The following EXOG variants were observed in gnomAD, a reference collection of about 807,000 sequenced individuals.
EXOG encodes the protein nuclease EXOG, mitochondrial.
In EXOG, 27 loss-of-function variants were observed where a neutral mutation model predicts 25.8. The observed-to-expected ratio is 1.05, with a 90% CI of 0.77 to 1.45. The LOEUF (loss-of-function observed/expected upper bound fraction) is 1.45. Ranked by LOEUF, EXOG falls within the 40% of genes most tolerant of loss-of-function variation. The probability of loss-of-function intolerance (pLI) is 0.00; values close to 1 mark genes in which losing one functional copy is unlikely to be tolerated. For synonymous variants in EXOG, 133 were observed against 167.0 expected (o/e 0.80, Z 1.57); for missense variants, 458 against 450.5 (o/e 1.02, Z -0.15).
rs746931625 is a variant in EXOG at position 38,524,210 on chromosome 3, G to A, written c.955G>A (p.Ala319Thr). 1.2e-6 allele frequency: 2 copies of A among 1,614,154 alleles called. No homozygotes were observed. Among genetic ancestry groups the A allele is most frequent in the Non-Finnish European group, 1.7e-6 (2 of 1,180,002 alleles). ...CTTGAGTACAAGAAAGATTGAAGGA[G>A]CCCGATCAGTGCTCAGACTGGAAAA... ...LYLSTRKIEG[A>T]RSVLRLEKIM... Residue 319 changes from alanine (A) to threonine (T), a missense_variant, in exon 6 of 6, where the codon GCC becomes ACC. By Grantham distance (58) the Ala-to-Thr change is moderately conservative. Around this residue, in one of 3 missense-constraint regions of EXOG, gnomAD observed 178 missense variants for 203.7 expected, o/e 0.87. Transcript: ENST00000287675.
intron 5 of EXOG, among the ~76,000 whole-genome samples, chr3:38,519,926 A>G (rs1337483889): frequency 2.6e-5 from 4 of 152,196 alleles, no homozygotes; most frequent in South Asian, 4.1e-4. Flanking sequence ...CTGTTTATCA[A>G]ACTCCCATGG....
intron 2 of EXOG, chr3:38,499,682 C>G: frequency 2.2e-6 from 1 of 454,308 alleles, no homozygotes; most frequent in Non-Finnish European, 4.4e-6. Context: ...GTTGCCTAGG[C>G]TGGTCTTGAA....
chr3:38,524,183 T>G lies in EXOG; in HGVS notation c.928T>G (p.Tyr310Asp). The G allele has an allele frequency of 6.2e-7, 1 of 1,614,194 alleles. No homozygotes were observed. The highest frequency in any genetic ancestry group is 8.5e-7 in the Non-Finnish European group (1 of 1,180,020). The change falls in exon 6 of 6, where the codon TAC becomes GAC. Residue 310 changes from tyrosine (Y) to aspartate (D), a missense_variant. Physicochemically the swap from Tyr to Asp is radical, Grantham distance 160. Around this residue, in one of 3 missense-constraint regions of EXOG, gnomAD observed 178 missense variants for 203.7 expected, o/e 0.87. Transcript: ENST00000287675. ...KLLDFQEFTL[Y>D]LSTRKIEGAR... ...CCTGGATTTCCAGGAGTTCACCTTG[T>G]ACTTGAGTACAAGAAAGATTGAAGG...
intron 5 of EXOG, among the ~76,000 whole-genome samples, chr3:38,517,283 T>C (rs2060574854): frequency 6.6e-6 from 1 of 152,126 alleles, no homozygotes; most frequent in South Asian, 2.1e-4. Context: ...ATTCAAAGAG[T>C]TTTAATGTTT....
At chr3:38,510,943 C>G (rs1158271806) in intron 5 of EXOG, among the ~76,000 whole-genome samples, 2 of 152,036 alleles carry the variant, frequency 1.3e-5, no homozygotes, top group Non-Finnish European at 2.9e-5. Context: ...TATTCTCTTT[C>G]AGATTCTGGG....
chr3:38,516,770 A>G (rs1247903852), intron 5 of EXOG, among the ~76,000 whole-genome samples: 3 of 152,120 alleles, frequency 2.0e-5, no homozygotes, highest in African/African-American at 7.2e-5. Flanking sequence ...TTTAATCTGA[A>G]CTAGCTTCTG....
chr3:38,523,902 T>G lies in EXOG; in HGVS notation c.647T>G (p.Val216Gly), dbSNP rs1575682317. Residue 216 changes from valine to glycine, a missense_variant and splice_region_variant, in exon 6 of 6, where the codon GTG (valine) becomes GGG (glycine). This residue lies in a region of EXOG where 178 missense variants were observed against 203.7 expected (regional missense o/e 0.87). Coordinates refer to ENST00000287675, the MANE Select transcript of EXOG (RefSeq NM_005107.4). Reference protein sequence around the residue: ...GDGKKIVSYQVIGEDNVAVPS... With the variant: ...GDGKKIVSYQGIGEDNVAVPS... ...CTAATATGGCTGCTTTGTTTTTAGG[T>G]GATTGGCGAGGACAACGTGGCAGTC... 6.6e-7 allele frequency: 1 copy of G among 1,524,526 alleles called. No individual in the cohort carries two copies. The allele number at this position is 1,524,526 out of a possible 1,614,324, so 94.4% of individuals were successfully genotyped here. A position where few individuals can be genotyped will look rare whatever the true frequency, so the allele number is the denominator to read the frequency against.
chr3:38,523,877 C>T (rs1166318176), intron 5 of EXOG, 24 bp from the exon 6 acceptor site: 1 of 1,506,206 alleles, frequency 6.6e-7, no homozygotes, highest in African/African-American at 1.4e-5. Context: ...ATTGGCATCA[C>T]TAATATGGCT....
chr3:38,517,604 A>T (rs961079260), intron 5 of EXOG, among the ~76,000 whole-genome samples: 1 of 152,192 alleles, frequency 6.6e-6, no homozygotes, highest in African/African-American at 2.4e-5. Context: ...TTTGTAGTGG[A>T]TGGAGAGAGC....
intron 5 of EXOG, among the ~76,000 whole-genome samples, chr3:38,512,741 T>A (rs1559689454): frequency 6.6e-6 from 1 of 152,180 alleles, no homozygotes; most frequent in Non-Finnish European, 1.5e-5. Flanking sequence ...AGGCCTCTTA[T>A]GGCAAGTCCA....
chr3:38,498,202 A>G (rs958861323), intron 2 of EXOG, among the ~76,000 whole-genome samples: 1 of 152,208 alleles, frequency 6.6e-6, no homozygotes, highest in Non-Finnish European at 1.5e-5. Flanking sequence ...TTTTAGATGT[A>G]TAATTACAAT....
At chr3:38,512,187 A>G (rs557616549) in intron 5 of EXOG, among the ~76,000 whole-genome samples, 6 of 152,226 alleles carry the variant, frequency 3.9e-5, no homozygotes, top group African/African-American at 1.4e-4. Context: ...TTTTTCGCTC[A>G]TGGCATTAAA....
Position 38,524,678 on chromosome 3 carries a change from C to A in EXOG, c.*316C>A. On this transcript the variant is annotated 3_prime_UTR_variant, in exon 6 of 6. Coordinates refer to ENST00000287675, the MANE Select transcript of EXOG (RefSeq NM_005107.4). ...TCCTAAATTTATGACTAAAAATTCCCCCAAAAGATGAAAGATCTACAATGT... is the reference window on the plus strand; with the variant it reads ...TCCTAAATTTATGACTAAAAATTCCACCAAAAGATGAAAGATCTACAATGT... The A allele has an allele frequency of 9.7e-7, 1 of 1,033,424 alleles. No homozygotes were observed. The highest frequency in any genetic ancestry group is 1.2e-6 in the Non-Finnish European group (1 of 861,952). 64.0% of individuals were successfully genotyped at this position (1,033,424 alleles called of 1,614,324 possible).
At chr3:38,498,906 A>G (rs1339895414) in intron 2 of EXOG, 1 of 456,626 alleles carries the variant, frequency 2.2e-6, no homozygotes, top group Non-Finnish European at 4.4e-6. Context: ...CTTGATAATT[A>G]ATGTCAAATT....
At chr3:38,517,177 T>C (rs2060571550) in intron 5 of EXOG, among the ~76,000 whole-genome samples, 1 of 152,260 alleles carries the variant, frequency 6.6e-6, no homozygotes, top group Non-Finnish European at 1.5e-5. Flanking sequence ...AGTTGCTAAA[T>C]GATGACTTTC....
Position 38,524,836 on chromosome 3 carries a change from A to T in EXOG, c.*474A>T, listed in dbSNP as rs1394230761. The T allele has an allele frequency of 1.0e-6, 1 of 987,428 alleles. No individual in the cohort carries two copies. Among genetic ancestry groups the T allele is most frequent in the Non-Finnish European group, 1.2e-6 (1 of 831,438 alleles). The allele number at this position is 987,428 out of a possible 1,614,324, so 61.2% of individuals were successfully genotyped here. A position where few individuals can be genotyped will look rare whatever the true frequency, so the allele number is the denominator to read the frequency against. On this transcript the variant is annotated 3_prime_UTR_variant, in exon 6 of 6. Transcript: ENST00000287675. Reference sequence around the variant, plus strand: ...TGACACTGCATTTGTATCCCTGTGGATGTAGAGTATTGGGAAGGCATTTGT... The same window carrying T: ...TGACACTGCATTTGTATCCCTGTGGTTGTAGAGTATTGGGAAGGCATTTGT...
intron 5 of EXOG, chr3:38,513,656 C>A (rs2060441397): frequency 1.3e-5 from 2 of 152,048 alleles, no homozygotes; most frequent in Admixed American, 1.3e-4. Flanking sequence ...TCTTGGAGCC[C>A]TCTGACTTTC....
chr3:38,504,966 C>T (rs1344129305), intron 4 of EXOG, among the ~76,000 whole-genome samples: 3 of 152,220 alleles, frequency 2.0e-5, no homozygotes, highest in African/African-American at 7.2e-5. Context: ...GTTTCATCTA[C>T]ATACCCTCAC....
chr3:38,509,039 C>T (rs2060290460), intron 5 of EXOG, among the ~76,000 whole-genome samples: 2 of 152,146 alleles, frequency 1.3e-5, no homozygotes, highest in African/African-American at 4.8e-5. Flanking sequence ...TAATTTCTCT[C>T]CTCTGATTAA....
Sources: gnomAD v4.1 joint callset for allele counts (sites outside exome capture counted in the v4.1 genomes callset) on GRCh38, gnomAD v4.1.1 for gene constraint, gnomAD v4.1.1 regional missense constraint, MANE v1.5 for transcripts, NCBI Gene and HGNC (gene_info 2026-07-23, HGNC 2026-07-21) for gene names.